USP11: variants seen among roughly 807,000 people sequenced by gnomAD.
USP11 encodes the protein ubiquitin carboxyl-terminal hydrolase 11.
Under a neutral mutation model 72.8 loss-of-function variants are expected in USP11, and 5 were observed. The ratio of observed to expected loss-of-function variants is 0.07; its 90% confidence interval spans 0.04 to 0.14. The LOEUF (loss-of-function observed/expected upper bound fraction) is 0.14. Among genes scored for constraint, USP11 ranks in the 10% least tolerant of loss-of-function variants. USP11 has a pLI of 1.00. For synonymous variants in USP11, 368 were observed against 326.5 expected, an observed-to-expected ratio of 1.13 and a Z score of -1.37; for missense variants, 480 against 794.7, an observed-to-expected ratio of 0.60 and a Z score of 4.76.
Position 47,233,296 on chromosome X carries a change from AGGGCCGC to A in USP11, c.176+81_176+87del. 1.1e-5 allele frequency: 7 copies of A among 664,153 alleles called. No homozygotes were observed. In the South Asian group the frequency reaches 5.0e-4, roughly 47 times the overall value. The allele number at this position is 664,153 out of a possible 1,213,427, so 54.7% of individuals were successfully genotyped here. A position where few individuals can be genotyped will look rare whatever the true frequency, so the allele number is the denominator to read the frequency against. On this transcript the variant is annotated intron_variant, in intron 1 of 20. Transcript: ENST00000377107. ...ACAACCGCTGGGGATTCGGCGGCCG[AGGGCCGC>A]GGGAAAGCTGCTGCGGGGTGCGGGG... is the stretch of plus-strand genomic sequence containing the variant.
At chrX:47,246,084 C>G (rs943814447) in intron 17 of USP11, among the ~76,000 whole-genome samples, 3 of 112,020 alleles carry the variant, frequency 2.7e-5, no homozygotes, top group African/African-American at 9.7e-5. Context: ...AAAAATCACC[C>G]TTCCCCACCA....
At chrX:47,236,904 C>T (rs1402546483) in intron 1 of USP11, among the ~76,000 whole-genome samples, 1 of 111,813 alleles carries the variant, frequency 8.9e-6, no homozygotes, top group Non-Finnish European at 1.9e-5. Context: ...TGCCACCTGG[C>T]CTGACAGAGA....
Position 47,243,416 on chromosome X carries a change from T to C in USP11, c.1604T>C (p.Ile535Thr). Residue 535 changes from isoleucine (I) to threonine (T), a missense_variant, in exon 13 of 21, where the codon ATT (isoleucine) becomes ACT (threonine). Ile to Thr is a moderately conservative substitution (Grantham distance 89). Transcript: ENST00000377107. ...CACAGCTATGAGGTGTCAGGTCGCATTGAGGCCATTGAGGGCTCAAGAGAG... is the reference window on the plus strand; with the variant it reads ...CACAGCTATGAGGTGTCAGGTCGCACTGAGGCCATTGAGGGCTCAAGAGAG... Reference protein sequence around the residue: ...DIFVYEVSGRIEAIEGSREDI... With the variant: ...DIFVYEVSGRTEAIEGSREDI... 1 of 1,211,845 alleles carries C rather than the reference T, an allele frequency of 8.3e-7. No homozygotes were observed. The highest frequency in any genetic ancestry group is 3.0e-5 in the East Asian group (1 of 33,834).
chrX:47,243,503 A>C lies in USP11; in HGVS notation c.1691A>C (p.Tyr564Ser), dbSNP rs1203588046. Residue 564 changes from tyrosine (Y) to serine (S), a missense_variant, in exon 13 of 21, where the codon TAC becomes TCC. This residue lies in a region of USP11 where 314 missense variants were observed against 556.0 expected (regional missense o/e 0.56). Coordinates refer to ENST00000377107, the MANE Select transcript of USP11 (RefSeq NM_001371072.1). ...RTPARDYNNSYYGLMLFGHPL... is the reference protein window; with the variant it reads ...RTPARDYNNSSYGLMLFGHPL... ...CCTGCCCGTGACTACAACAACTCCT[A>C]CTACGGCCTGATGCTTTTTGGACAC... 2.5e-6 allele frequency: 3 copies of C among 1,211,564 alleles called. No individual in the cohort carries two copies. The highest frequency in any genetic ancestry group is 1.7e-5 in the African/African-American group (1 of 57,706).
At chrX:47,233,324 C>T in intron 1 of USP11, 105 bp downstream of exon 1, 1 of 100,135 alleles carries the variant, frequency 1.0e-5, no homozygotes. Flanking sequence ...CTGCGGGGTG[C>T]GGGGGCGGGG....
intron 5 of USP11, 24 bp from the exon 6 acceptor site, chrX:47,240,563 C>A: frequency 8.3e-7 from 1 of 1,211,495 alleles, no homozygotes; most frequent in Non-Finnish European, 1.1e-6. Context: ...AATACCTTTC[C>A]TTCTTTCTCT....
rs759636452 is a variant in USP11, at chrX:47,244,572, G to T, written c.1843+22G>T. The T allele has an allele frequency of 8.3e-6, 10 of 1,210,565 alleles. No homozygotes were observed. In the Admixed American group the frequency reaches 2.2e-4, roughly 26 times the overall value. On this transcript the variant is annotated intron_variant, in intron 14 of 20. Transcript: ENST00000377107. Reference sequence around the variant, plus strand: ...AAAGGTGAGGGGGCTAACAGTCAGTGGGCGGGGGCTCTGGGTTAGGTCTGA... The same window carrying T: ...AAAGGTGAGGGGGCTAACAGTCAGTTGGCGGGGGCTCTGGGTTAGGTCTGA...
At chrX:47,244,437 C>G (rs968125825) in intron 13 of USP11, 61 bp from the exon 14 acceptor site, 4 of 1,156,545 alleles carry the variant, frequency 3.5e-6, no homozygotes, top group Non-Finnish European at 4.7e-6. Flanking sequence ...TAAGTAAAAT[C>G]CCGGGCTCTA....
Position 47,247,842 on chromosome X carries a change from G to A in USP11, c.2675G>A (p.Arg892His), listed in dbSNP as rs749981096. The change falls in exon 21 of 21, where the codon CGC (arginine) becomes CAC (histidine). Residue 892 changes from arginine (R) to histidine (H), a missense_variant. By Grantham distance (29) the Arg-to-His change is conservative. Around this residue, in one of 5 missense-constraint regions of USP11, gnomAD observed 314 missense variants for 556.0 expected, o/e 0.56. Coordinates refer to ENST00000377107, the MANE Select transcript of USP11 (RefSeq NM_001371072.1). Reference protein sequence around the residue: ...LFYQRQDVARRLLSPAGSSGA... With the variant: ...LFYQRQDVARHLLSPAGSSGA... ...TACCAACGCCAGGACGTGGCGCGAC[G>A]CCTGCTGTCCCCGGCCGGCTCATCT... 66 of 1,204,209 alleles carry A rather than the reference G, an allele frequency of 5.5e-5. No individual in the cohort carries two copies. Among genetic ancestry groups the A allele is most frequent in the South Asian group, 3.7e-4 (21 of 56,319 alleles).
At position 47,242,718 on chromosome X, in the gene USP11, C is replaced by T. The variant is rs761835243; in HGVS notation, c.1581C>T (p.Phe527=). ...GCATCTTGGACCGTGATGATATCTT[C>T]GTGTGAGTGGGGATGGCAGGGAGGT... is the stretch of plus-strand genomic sequence containing the variant. ...LSSILDRDDI[F]VYEVSGRIEA... The change falls in exon 12 of 21, where the codon TTC becomes TTT. Residue 527 remains phenylalanine (F), a splice_region_variant and synonymous_variant. Coordinates refer to ENST00000377107, the MANE Select transcript of USP11 (RefSeq NM_001371072.1). 1.1e-5 allele frequency: 13 copies of T among 1,194,554 alleles called. No individual in the cohort carries two copies. The highest frequency in any genetic ancestry group is 2.4e-4 in the Middle Eastern group (1 of 4,127).
chrX:47,234,231 A>C (rs547539525), intron 1 of USP11, among the ~76,000 whole-genome samples: 1 of 112,238 alleles, frequency 8.9e-6, no homozygotes, highest in African/African-American at 3.2e-5. Flanking sequence ...TGTCAGGATC[A>C]TGAAAGACAA....
At chrX:47,238,405 C>T (rs1181380370) in intron 1 of USP11, among the ~76,000 whole-genome samples, 1 of 104,227 alleles carries the variant, frequency 9.6e-6, no homozygotes, top group Admixed American at 1.1e-4. Flanking sequence ...CCAGGCTGGT[C>T]TTGAACTCCT....
Position 47,248,045 on chromosome X carries a change from G to C in USP11, c.*115G>C. The C allele has an allele frequency of 2.0e-6, 2 of 1,016,818 alleles. No individual in the cohort carries two copies. Among genetic ancestry groups the C allele is most frequent in the South Asian group, 2.3e-5 (1 of 43,849 alleles). 83.8% of individuals were successfully genotyped at this position (1,016,818 alleles called of 1,213,427 possible). On this transcript the variant is annotated 3_prime_UTR_variant, in exon 21 of 21. Transcript: ENST00000377107. ...TAGGTGCCCCCGCCAGGCATTGCAGGCTTAGTCGTGGCTACTGTTCTCCTG... is the reference window on the plus strand; with the variant it reads ...TAGGTGCCCCCGCCAGGCATTGCAGCCTTAGTCGTGGCTACTGTTCTCCTG...
At chrX:47,247,451 TG>T (rs770839046) in intron 19 of USP11, 32 bp downstream of exon 19, 12 of 1,191,351 alleles carry the variant, frequency 1.0e-5, no homozygotes, top group Non-Finnish European at 1.3e-5. Context: ...GGGCCTGCCC[TG>T]GGGGTTCTGG....
At chrX:47,246,183 C>G (rs1048309329) in intron 17 of USP11, among the ~76,000 whole-genome samples, 1 of 112,375 alleles carries the variant, frequency 8.9e-6, no homozygotes, top group Non-Finnish European at 1.9e-5. Flanking sequence ...GTCCTGTATC[C>G]ACTTTTGTGT....
intron 1 of USP11, 42 bp from the exon 2 acceptor site, chrX:47,239,028 C>T (rs1015169875): frequency 9.5e-7 from 1 of 1,050,268 alleles, no homozygotes; most frequent in African/African-American, 1.9e-5. Flanking sequence ...AGCTAACCCT[C>T]AGCTACCCAT....
chrX:47,245,298 TG>T (rs1242819040), intron 16 of USP11, 71 bp from the exon 17 acceptor site: 1 of 1,025,335 alleles, frequency 9.8e-7, no homozygotes, highest in African/African-American at 1.9e-5. Context: ...TCTCCCCCGC[TG>T]GGCCCCCACT....
At chrX:47,243,350 T>C (rs1319712937) in intron 12 of USP11, 46 bp from the exon 13 acceptor site, 1 of 1,180,907 alleles carries the variant, frequency 8.5e-7, no homozygotes, top group Non-Finnish European at 1.1e-6. Flanking sequence ...AGTCAGGGAG[T>C]CTCTGGGGGC....
At position 47,239,773 on chromosome X, in the gene USP11, C is replaced by T. The variant is rs2055392740; in HGVS notation, c.418-17C>T. 1 of 1,201,744 alleles carries T rather than the reference C, an allele frequency of 8.3e-7. No homozygotes were observed. Among genetic ancestry groups the T allele is most frequent in the African/African-American group, 1.7e-5 (1 of 57,594 alleles). On this transcript the variant is annotated splice_polypyrimidine_tract_variant and intron_variant, in intron 3 of 20. Coordinates refer to ENST00000377107, the MANE Select transcript of USP11 (RefSeq NM_001371072.1). ...CTGTGTGAGTACACCTGTGTCTGCA[C>T]CCCTCTACTCTTACAGGTCATAGAG...
Sources: allele counts gnomAD v4.1 joint callset (sites outside exome capture counted in the v4.1 genomes callset), GRCh38; gene constraint gnomAD v4.1.1; regional missense constraint gnomAD v4.1.1; transcripts MANE v1.5; gene names NCBI Gene and HGNC (gene_info 2026-07-23, HGNC 2026-07-21).